The following RAB3GAP1 variants were observed in gnomAD, a reference collection of about 807,000 sequenced individuals.
RAB3GAP1 encodes the protein rab3 GTPase-activating protein catalytic subunit.
RAB3GAP1 carries 86 observed loss-of-function variants against 130.7 expected under a neutral mutation model. The observed-to-expected ratio is 0.66, with a 90% CI of 0.55 to 0.79. The LOEUF is 0.79. Among genes scored for constraint, RAB3GAP1 ranks in the 30% least tolerant of loss-of-function variants. RAB3GAP1 has a pLI of 0.00. For synonymous variants in RAB3GAP1, 367 were observed against 401.7 expected (o/e 0.91, Z 1.03); for missense variants, 1,029 against 1,169.4 (o/e 0.88, Z 1.75).
At chr2:135,098,650 C>A (rs916141330) in intron 5 of RAB3GAP1, among the ~76,000 whole-genome samples, 1 of 152,124 alleles carries the variant, frequency 6.6e-6, no homozygotes, top group Non-Finnish European at 1.5e-5. Context: ...ATATTCTTTC[C>A]AAAAACCCCT....
rs1270330359 is a variant in RAB3GAP1, at chr2:135,133,890, A to G, written c.1356A>G (p.Pro452=). 2 of 1,613,858 alleles carry G rather than the reference A, an allele frequency of 1.2e-6. No individual in the cohort carries two copies. The highest frequency in any genetic ancestry group is 1.3e-5 in the African/African-American group (1 of 75,056). The part of the protein sequence containing the change: ...YNLYNQFKSA[P]SDSLTYKLAL... ...TCTACAATCAGTTCAAGTCTGCACC[A>G]TCTGACAGTTTAACATACAAACTGG... The change falls in exon 15 of 24, where the codon CCA becomes CCG. Residue 452 remains proline, a synonymous_variant. Transcript: ENST00000264158.
At chr2:135,067,995 C>A (rs1379995804) in intron 3 of RAB3GAP1, among the ~76,000 whole-genome samples, 1 of 152,184 alleles carries the variant, frequency 6.6e-6, no homozygotes, top group Non-Finnish European at 1.5e-5. Context: ...CCGCCTCAGC[C>A]TCCCAAAATG....
At chr2:135,150,639 A>G (rs1054251185) in intron 18 of RAB3GAP1, 133 bp downstream of exon 18, 10 of 1,131,900 alleles carry the variant, frequency 8.8e-6, no homozygotes, top group Admixed American at 3.9e-5. Flanking sequence ...TAGTAGTTCA[A>G]CACTCTGCCA....
intron 3 of RAB3GAP1, among the ~76,000 whole-genome samples, chr2:135,087,252 A>G (rs1412288656): frequency 1.3e-5 from 2 of 152,064 alleles, no homozygotes; most frequent in South Asian, 2.1e-4. Context: ...TCTGGACTCT[A>G]TTTCATTGAT....
chr2:135,109,438 G>GA (rs1196787401), intron 5 of RAB3GAP1, among the ~76,000 whole-genome samples: 3 of 151,918 alleles, frequency 2.0e-5, no homozygotes, highest in Non-Finnish European at 2.9e-5. Flanking sequence ...ATATTATAGT[G>GA]AAAATCACTG....
In RAB3GAP1 at chr2:135,070,351, A is replaced by C. The variant is rs535913399; in HGVS notation, c.150+12265A>C. On this transcript the variant is annotated intron_variant, in intron 3 of 23. Transcript: ENST00000264158. ...TGTAACTAATGACTTGGAGCTGTTCAGGCAGTTAGAGTTCAACCAGTTTAA... is the reference window on the plus strand; with the variant it reads ...TGTAACTAATGACTTGGAGCTGTTCCGGCAGTTAGAGTTCAACCAGTTTAA... 2.0e-5 allele frequency among the ~76,000 whole-genome samples: 3 copies of C among 152,278 alleles called. No homozygotes were observed. The East Asian group carries it at 5.8e-4, about 29-fold the overall frequency.
At chr2:135,138,644 T>G (rs948351558) in intron 17 of RAB3GAP1, among the ~76,000 whole-genome samples, 2 of 151,842 alleles carry the variant, frequency 1.3e-5, no homozygotes, top group African/African-American at 4.8e-5. Flanking sequence ...GATCTCATTC[T>G]GTTGCATAGG....
Position 135,169,032 on chromosome 2 carries a change from G to C in RAB3GAP1, c.*251G>C. 1 of 505,558 alleles carries C rather than the reference G, an allele frequency of 2.0e-6. No individual in the cohort carries two copies. Among genetic ancestry groups the C allele is most frequent in the Non-Finnish European group, 3.6e-6 (1 of 281,510 alleles). The allele number at this position is 505,558 out of a possible 1,614,324, so 31.3% of individuals were successfully genotyped here. A position where few individuals can be genotyped will look rare whatever the true frequency, so the allele number is the denominator to read the frequency against. ...AGAGATGGCCTTTGTATATGGGGGG[G>C]TGGTGGGGGGACACAAACACATCAG... is the stretch of plus-strand genomic sequence containing the variant. On this transcript the variant is annotated 3_prime_UTR_variant, in exon 24 of 24. Coordinates refer to ENST00000264158, the MANE Select transcript of RAB3GAP1 (RefSeq NM_012233.3).
intron 2 of RAB3GAP1, among the ~76,000 whole-genome samples, chr2:135,054,597 G>C (rs1033076014): frequency 1.3e-5 from 2 of 152,206 alleles, no homozygotes; most frequent in Admixed American, 1.3e-4. Flanking sequence ...GAGAAGATTT[G>C]AACCTGTTGA....
intron 5 of RAB3GAP1, among the ~76,000 whole-genome samples, chr2:135,106,068 C>G (rs1295620004): frequency 6.6e-6 from 1 of 152,104 alleles, no homozygotes; most frequent in Non-Finnish European, 1.5e-5. Context: ...AGGAGCGTCT[C>G]GGCCCGGCAG....
At chr2:135,058,194 C>G (rs1020822675) in intron 3 of RAB3GAP1, 108 bp downstream of exon 3, 2 of 920,136 alleles carry the variant, frequency 2.2e-6, no homozygotes, top group Non-Finnish European at 3.5e-6. Context: ...TTTAAAGTTA[C>G]GTATAATCTA....
At chr2:135,057,555 G>A (rs1446196215) in intron 2 of RAB3GAP1, among the ~76,000 whole-genome samples, 2 of 152,190 alleles carry the variant, frequency 1.3e-5, no homozygotes, top group South Asian at 4.1e-4. Context: ...CCACCACACC[G>A]GGCTAATTTT....
chr2:135,120,885 T>C lies in RAB3GAP1; in HGVS notation c.715T>C (p.Trp239Arg). Reference sequence around the variant, plus strand: ...TCGATTTACCTATGTACTTCAAGATTGGCAGCAGTATTTTTGGCCTCAGCA... The same window carrying C: ...TCGATTTACCTATGTACTTCAAGATCGGCAGCAGTATTTTTGGCCTCAGCA... ...AIRFTYVLQD[W>R]QQYFWPQQPP... is the part of the protein sequence containing the mutation. The change falls in exon 8 of 24, where the codon TGG becomes CGG. Residue 239 changes from tryptophan (W) to arginine (R), a missense_variant. Transcript: ENST00000264158. 6.2e-7 allele frequency: 1 copy of C among 1,613,178 alleles called. No individual in the cohort carries two copies. Among genetic ancestry groups the C allele is most frequent in the South Asian group, 1.1e-5 (1 of 91,042 alleles).
At chr2:135,129,309 A>G (rs1340928947) in intron 11 of RAB3GAP1, among the ~76,000 whole-genome samples, 2 of 151,362 alleles carry the variant, frequency 1.3e-5, no homozygotes, top group African/African-American at 4.9e-5. Context: ...AAAATTAGCC[A>G]GGCGTGGTTG....
chr2:135,091,437 G>C (rs903073420), intron 4 of RAB3GAP1, among the ~76,000 whole-genome samples: 1 of 152,140 alleles, frequency 6.6e-6, no homozygotes, highest in East Asian at 1.9e-4. Flanking sequence ...GCATCCTGAA[G>C]TACAGACAAA....
At chr2:135,096,510 AAATTT>A (rs1282264175) in intron 5 of RAB3GAP1, among the ~76,000 whole-genome samples, 1 of 152,224 alleles carries the variant, frequency 6.6e-6, no homozygotes, top group Non-Finnish European at 1.5e-5. Flanking sequence ...TATATCTATT[AAATTT>A]AATTTAATCC....
At chr2:135,083,704 A>G (rs1241533891) in intron 3 of RAB3GAP1, among the ~76,000 whole-genome samples, 1 of 149,798 alleles carries the variant, frequency 6.7e-6, no homozygotes, top group Non-Finnish European at 1.5e-5. Flanking sequence ...GCCTCAAGCA[A>G]TCCTCCTGCC....
chr2:135,136,298 C>G (rs761717838), intron 17 of RAB3GAP1, among the ~76,000 whole-genome samples: 1 of 151,998 alleles, frequency 6.6e-6, no homozygotes, highest in Non-Finnish European at 1.5e-5. Flanking sequence ...TGCACTCCAG[C>G]CTGGGCAACA....
intron 17 of RAB3GAP1, among the ~76,000 whole-genome samples, chr2:135,147,033 A>T (rs1468670256): frequency 2.0e-5 from 3 of 151,946 alleles, no homozygotes; most frequent in Non-Finnish European, 2.9e-5. Flanking sequence ...AAATTATTGT[A>T]TGTTGATTCT....
Sources: allele counts gnomAD v4.1 joint callset (sites outside exome capture counted in the v4.1 genomes callset), GRCh38; gene constraint gnomAD v4.1.1; transcripts MANE v1.5; gene names NCBI Gene and HGNC (gene_info 2026-07-23, HGNC 2026-07-21).